DNAJC10: variants seen among roughly 807,000 people sequenced by gnomAD.
The protein encoded by DNAJC10 is endoplasmic reticulum disulfide reductase DNAJC10.
In DNAJC10, 101 loss-of-function variants were observed where a neutral mutation model predicts 115.0. The ratio of observed to expected loss-of-function variants is 0.88; its 90% CI spans 0.75 to 1.04. DNAJC10 has a LOEUF of 1.04. Among genes scored for constraint, DNAJC10 ranks in the 50% least tolerant of loss-of-function variants. The pLI is 0.00. For missense variants in DNAJC10, 981 were observed against 928.8 expected, an observed-to-expected ratio of 1.06 and a Z score of -0.73; for synonymous variants, 307 against 301.5, an observed-to-expected ratio of 1.02 and a Z score of -0.19.
In DNAJC10 at chr2:182,779,802, A is replaced by G. The variant is rs1323987554; in HGVS notation, c.*2670A>G. 1 of 151,944 alleles carries G rather than the reference A, an allele frequency of 6.6e-6. No individual in the cohort carries two copies. 9.4% of individuals were successfully genotyped at this position (151,944 alleles called of 1,614,324 possible). On this transcript the variant is annotated 3_prime_UTR_variant, in exon 24 of 24. Transcript: ENST00000264065. ...GAATTTTTTTAGAAGTACGGTTATCAAAAAAACACATTTCCTATGGGACAC... is the reference window on the plus strand; with the variant it reads ...GAATTTTTTTAGAAGTACGGTTATCGAAAAAACACATTTCCTATGGGACAC...
chr2:182,746,526 TG>T (rs1475044539), intron 14 of DNAJC10, among the ~76,000 whole-genome samples: 1 of 152,212 alleles, frequency 6.6e-6, no homozygotes, highest in African/African-American at 2.4e-5. Context: ...GCTGCATAAA[TG>T]TCTTCTTTTG....
chr2:182,749,108 A>G (rs965874163), intron 14 of DNAJC10, among the ~76,000 whole-genome samples: 6 of 151,984 alleles, frequency 3.9e-5, no homozygotes, highest in Non-Finnish European at 5.9e-5. Context: ...GGTGTGGTGC[A>G]GTGCTGAAAA....
chr2:182,783,499 T>C lies in DNAJC10; in HGVS notation c.*6367T>C, dbSNP rs2105723066. The C allele has an allele frequency of 6.6e-6, 1 of 152,292 alleles. No individual in the cohort carries two copies. Among genetic ancestry groups the C allele is most frequent in the East Asian group, 1.9e-4 (1 of 5,194 alleles). The allele number at this position is 152,292 out of a possible 1,614,324, so 9.4% of individuals were successfully genotyped here. Reference sequence around the variant, plus strand: ...TAATAAAATGAAACAATTTGTTGGCTTTAATGTATTTAGGAAAAATCATTT... The same window carrying C: ...TAATAAAATGAAACAATTTGTTGGCCTTAATGTATTTAGGAAAAATCATTT... On this transcript the variant is annotated 3_prime_UTR_variant, in exon 24 of 24. Transcript: ENST00000264065.
chr2:182,776,155 A>G (rs1254623215), intron 23 of DNAJC10, among the ~76,000 whole-genome samples: 1 of 152,100 alleles, frequency 6.6e-6, no homozygotes, highest in Non-Finnish European at 1.5e-5. Context: ...AAAAATAGTG[A>G]CTGTGGCCAT....
intron 14 of DNAJC10, among the ~76,000 whole-genome samples, chr2:182,748,750 G>A (rs1356722115): frequency 6.6e-6 from 1 of 151,904 alleles, no homozygotes; most frequent in African/African-American, 2.4e-5. Flanking sequence ...GTGATGTTAG[G>A]GTGTCAATTT....
At chr2:182,751,993 A>G (rs1219904364) in intron 15 of DNAJC10, 79 bp from the exon 16 acceptor site, 21 of 1,266,762 alleles carry the variant, frequency 1.7e-5, no homozygotes, top group Non-Finnish European at 2.2e-5. Flanking sequence ...CTTACTTAGC[A>G]TATTACTTGT....
chr2:182,759,555 TC>T (rs1469031165), intron 21 of DNAJC10, among the ~76,000 whole-genome samples: 1 of 152,162 alleles, frequency 6.6e-6, no homozygotes, highest in Non-Finnish European at 1.5e-5. Context: ...CAGAAACGTC[TC>T]TTTCTTCTCC....
intron 14 of DNAJC10, among the ~76,000 whole-genome samples, chr2:182,748,221 G>C (rs1340217769): frequency 2.0e-5 from 3 of 151,392 alleles, no homozygotes; most frequent in African/African-American, 7.3e-5. Context: ...CCCAGCTTTG[G>C]TATCAGGATG....
intron 16 of DNAJC10, chr2:182,752,550 A>C: frequency 1.1e-6 from 1 of 907,830 alleles, no homozygotes; most frequent in Non-Finnish European, 1.3e-6. Context: ...ACTTCTAAGT[A>C]TATTTGCTGG....
intron 17 of DNAJC10, 92 bp downstream of exon 17, chr2:182,755,196 C>G: frequency 1.3e-6 from 1 of 756,462 alleles, no homozygotes; most frequent in Non-Finnish European, 2.3e-6. Flanking sequence ...AGGATTTACT[C>G]TTTTCATGCC....
At chr2:182,750,637 A>G (rs1367144817) in intron 14 of DNAJC10, among the ~76,000 whole-genome samples, 1 of 152,236 alleles carries the variant, frequency 6.6e-6, no homozygotes, top group African/African-American at 2.4e-5. Context: ...AGTCCACTAC[A>G]CATCTAGGCT....
chr2:182,766,200 C>T (rs555279647), intron 22 of DNAJC10, among the ~76,000 whole-genome samples: 2 of 152,068 alleles, frequency 1.3e-5, no homozygotes, highest in Non-Finnish European at 2.9e-5. Flanking sequence ...TCCAGGCGTT[C>T]TGATGAAAAA....
At chr2:182,777,099 C>T (rs746965580) in intron 23 of DNAJC10, 22 bp from the exon 24 acceptor site, 14 of 1,371,352 alleles carry the variant, frequency 1.0e-5, no homozygotes, top group Admixed American at 7.2e-5. Flanking sequence ...CTTTCTCTAT[C>T]GCCTTTACAT....
chr2:182,749,407 GT>G (rs1406003428), intron 14 of DNAJC10, among the ~76,000 whole-genome samples: 1 of 147,916 alleles, frequency 6.8e-6, no homozygotes. Flanking sequence ...TTACCATTAG[GT>G]AATGGCCTTC....
At chr2:182,716,958 G>A (rs764789636) in intron 1 of DNAJC10, 58 bp from the exon 2 acceptor site, 1 of 152,150 alleles carries the variant, frequency 6.6e-6, no homozygotes, top group African/African-American at 2.4e-5. Context: ...CTCTTTTTCT[G>A]ATGGTTGTTT....
chr2:182,731,298 T>C (rs1418529685), intron 9 of DNAJC10, among the ~76,000 whole-genome samples, 191 bp downstream of exon 9: 1 of 152,126 alleles, frequency 6.6e-6, no homozygotes, highest in Non-Finnish European at 1.5e-5. Flanking sequence ...ATTCATTTTT[T>C]AATGTATCCT....
At chr2:182,746,039 C>G (rs1693856883) in intron 14 of DNAJC10, among the ~76,000 whole-genome samples, 1 of 152,160 alleles carries the variant, frequency 6.6e-6, no homozygotes, top group African/African-American at 2.4e-5. Context: ...TTTCCAGTTT[C>G]ATCCATGTCC....
chr2:182,728,428 T>C (rs904401833), intron 5 of DNAJC10, 148 bp from the exon 6 acceptor site: 12 of 538,436 alleles, frequency 2.2e-5, no homozygotes, highest in South Asian at 3.4e-5. Context: ...GTAGAAGATA[T>C]AGAAAAACAT....
At chr2:182,768,764 T>C (rs1391158075) in intron 22 of DNAJC10, among the ~76,000 whole-genome samples, 1 of 152,152 alleles carries the variant, frequency 6.6e-6, no homozygotes, top group African/African-American at 2.4e-5. Flanking sequence ...TGGTCATGGT[T>C]GGGCAGTGCT....
Sources: gnomAD v4.1 joint callset for allele counts (sites outside exome capture counted in the v4.1 genomes callset) on GRCh38, gnomAD v4.1.1 for gene constraint, MANE v1.5 for transcripts, NCBI Gene and HGNC (gene_info 2026-07-23, HGNC 2026-07-21) for gene names.